The following AKAP6 variants were observed in gnomAD, a reference collection of about 807,000 sequenced individuals.
AKAP6 encodes A-kinase anchor protein 6.
Under a neutral mutation model 188.5 loss-of-function variants are expected in AKAP6, and 58 were observed. That is an observed-to-expected ratio of 0.31 (90% CI 0.25 to 0.38). AKAP6 has a LOEUF of 0.38. AKAP6 is among the 10% of genes least tolerant of loss of function. AKAP6 has a pLI of 1.00. For synonymous variants in AKAP6, 989 were observed against 998.6 expected, an observed-to-expected ratio of 0.99 and a Z score of 0.18; for missense variants, 2,710 against 2,740.0, an observed-to-expected ratio of 0.99 and a Z score of 0.24.
intron 7 of AKAP6, among the ~76,000 whole-genome samples, chr14:32,625,817 A>C (rs1345000489): frequency 6.6e-6 from 1 of 152,086 alleles, no homozygotes; most frequent in African/African-American, 2.4e-5. Context: ...GAAAGATATG[A>C]GTTAAGCACC....
intron 2 of AKAP6, among the ~76,000 whole-genome samples, chr14:32,487,866 G>A (rs577590522): frequency 1.9e-4 from 29 of 152,168 alleles, no homozygotes; most frequent in Non-Finnish European, 2.8e-4. Flanking sequence ...TATCACCAGC[G>A]GAGGCTGAGG....
chr14:32,648,465 G>A (rs1325853558), intron 7 of AKAP6, among the ~76,000 whole-genome samples: 2 of 151,932 alleles, frequency 1.3e-5, no homozygotes, highest in Admixed American at 1.3e-4. Context: ...AGAAGGATTG[G>A]GTCTTCCTTT....
chr14:32,404,132 T>A (rs1460204433), intron 1 of AKAP6, among the ~76,000 whole-genome samples: 2 of 152,142 alleles, frequency 1.3e-5, no homozygotes, highest in East Asian at 3.9e-4. Flanking sequence ...AACAAAAATA[T>A]TCTAAGAAAA....
At chr14:32,564,513 G>C (rs1301227758) in intron 4 of AKAP6, among the ~76,000 whole-genome samples, 1 of 152,196 alleles carries the variant, frequency 6.6e-6, no homozygotes, top group Non-Finnish European at 1.5e-5. Flanking sequence ...TTTGTTGGGA[G>C]AGGAGCATTT....
Position 32,822,188 on chromosome 14 carries a change from CA to C in AKAP6, c.4377del (p.Gly1460GlufsTer23). ...CCCTGACTGTTTGGGAGAAGAATTA[CA>C]AGGAAAACATGATGTGTTTACATTT... Reference protein sequence around the residue: ...HTPDCLGEELQGKHDVFTFYD... With the variant: ...HTPDCLGEELXGKHDVFTFYD... On this transcript the variant is annotated frameshift_variant, in exon 13 of 14. Coordinates refer to ENST00000280979, the MANE Select transcript of AKAP6 (RefSeq NM_004274.5). LOFTEE classifies it high-confidence loss of function. The C allele has an allele frequency of 6.2e-7, 1 of 1,613,816 alleles. No homozygotes were observed. Among genetic ancestry groups the C allele is most frequent in the Non-Finnish European group, 8.5e-7 (1 of 1,179,868 alleles).
chr14:32,626,829 A>G (rs1887046316), intron 7 of AKAP6, among the ~76,000 whole-genome samples: 1 of 152,148 alleles, frequency 6.6e-6, no homozygotes. Context: ...GATGTTCACT[A>G]GATTATAAGC....
At chr14:32,562,561 C>G (rs2139212139) in intron 4 of AKAP6, among the ~76,000 whole-genome samples, 1 of 152,226 alleles carries the variant, frequency 6.6e-6, no homozygotes, top group African/African-American at 2.4e-5. Flanking sequence ...AGTTCAAGAC[C>G]AGCCTGGCCA....
At chr14:32,819,819 G>A (rs977143163) in intron 12 of AKAP6, among the ~76,000 whole-genome samples, 15 of 152,068 alleles carry the variant, frequency 9.9e-5, no homozygotes, top group East Asian at 3.9e-4. Flanking sequence ...ACGGTGGCAC[G>A]CACCTGTAGT....
At chr14:32,651,740 G>A (rs1305101221) in intron 7 of AKAP6, among the ~76,000 whole-genome samples, 1 of 152,152 alleles carries the variant, frequency 6.6e-6, no homozygotes, top group Non-Finnish European at 1.5e-5. Context: ...TCTTAATACT[G>A]TTGCATTGGG....
intron 1 of AKAP6, among the ~76,000 whole-genome samples, chr14:32,425,785 C>T (rs1890010456): frequency 6.6e-6 from 1 of 152,206 alleles, no homozygotes; most frequent in Admixed American, 6.5e-5. Flanking sequence ...AATTTTCTCC[C>T]ATTCAGTAGG....
rs939795419 is a variant in AKAP6 at position 32,470,202 on chromosome 14, A to C, written c.324+36385A>C. ...ACTCAAAGTGTGGTCTGTGGACTGG[A>C]CGCTTGGGCCACACCTGGGAACTGT... is the stretch of plus-strand genomic sequence containing the variant. On this transcript the variant is annotated intron_variant, in intron 2 of 13. Transcript: ENST00000280979. 9.9e-5 allele frequency among the ~76,000 whole-genome samples: 15 copies of C among 152,222 alleles called. No homozygotes were observed. In the East Asian group the frequency reaches 1.4e-3, roughly 14 times the overall value.
intron 1 of AKAP6, among the ~76,000 whole-genome samples, chr14:32,384,623 G>T (rs1888469812): frequency 6.6e-6 from 1 of 152,146 alleles, no homozygotes; most frequent in Non-Finnish European, 1.5e-5. Context: ...CCTCAGGCTG[G>T]TGTTTACTTG....
At chr14:32,800,927 G>A (rs1436373273) in intron 12 of AKAP6, among the ~76,000 whole-genome samples, 1 of 152,114 alleles carries the variant, frequency 6.6e-6, no homozygotes, top group African/African-American at 2.4e-5. Context: ...AGAGGTGAGA[G>A]GATCACTTGA....
intron 11 of AKAP6, among the ~76,000 whole-genome samples, chr14:32,761,933 T>C (rs2032554075): frequency 6.6e-6 from 1 of 152,112 alleles, no homozygotes; most frequent in Non-Finnish European, 1.5e-5. Flanking sequence ...TTCCCCAGAA[T>C]TACTTTGAAC....
rs575525630 is a variant in AKAP6, at chr14:32,605,576, A to G, written c.2730+4784A>G. ...GTCTCTATACACAATAAACCTGAAC[A>G]TATTGTTTAAGCCAAAATTTTTATT... On this transcript the variant is annotated intron_variant, in intron 7 of 13. Transcript: ENST00000280979. Among the ~76,000 whole-genome samples the G allele has an allele frequency of 3.3e-5, 5 of 152,306 alleles. No individual in the cohort carries two copies. In the East Asian group the frequency reaches 5.8e-4, roughly 18 times the overall value.
In AKAP6 at chr14:32,824,253, A is replaced by G. The variant is rs1042216968; in HGVS notation, c.6440A>G (p.Asp2147Gly). The G allele has an allele frequency of 1.1e-5, 17 of 1,613,832 alleles. No homozygotes were observed. The highest frequency in any genetic ancestry group is 1.4e-5 in the Non-Finnish European group (16 of 1,179,956). The change falls in exon 13 of 14, where the codon GAT (aspartate) becomes GGT (glycine). Residue 2147 changes from aspartate to glycine, a missense_variant. Transcript: ENST00000280979. ...LPLDTTDSGL[D>G]DKEDIECFFE... ...CTAGACACCACTGACTCGGGCTTAG[A>G]TGACAAGGAAGATATTGAATGCTTT...
At chr14:32,336,885 A>G (rs1392732021) in intron 1 of AKAP6, among the ~76,000 whole-genome samples, 1 of 152,162 alleles carries the variant, frequency 6.6e-6, no homozygotes, top group African/African-American at 2.4e-5. Context: ...TGAGGCCCTC[A>G]TCTCCCTGCC....
chr14:32,360,617 C>T lies in AKAP6; in HGVS notation c.-35+31209C>T, dbSNP rs560587506. On this transcript the variant is annotated intron_variant, in intron 1 of 13. Transcript: ENST00000280979. ...ATTCAATCGTTTATATCAGTATAGG[C>T]TCACGGATATTTATTTTATTCTTGA... Among the ~76,000 whole-genome samples the T allele has an allele frequency of 6.6e-5, 10 of 152,018 alleles. No homozygotes were observed. In the South Asian group the frequency reaches 1.9e-3, roughly 28 times the overall value.
intron 11 of AKAP6, among the ~76,000 whole-genome samples, chr14:32,763,562 A>G (rs900642664): frequency 6.6e-6 from 1 of 152,120 alleles, no homozygotes; most frequent in African/African-American, 2.4e-5. Flanking sequence ...TAGGACTCTC[A>G]TCTATTTTAT....
Sources: allele counts gnomAD v4.1 joint callset (sites outside exome capture counted in the v4.1 genomes callset), GRCh38; gene constraint gnomAD v4.1.1; transcripts MANE v1.5; gene names NCBI Gene and HGNC (gene_info 2026-07-23, HGNC 2026-07-21).